PMFBP1: variants seen among roughly 807,000 people sequenced by gnomAD.
PMFBP1 encodes the protein polyamine-modulated factor 1-binding protein 1.
Under a neutral mutation model 137.8 loss-of-function variants are expected in PMFBP1, and 131 were observed. The observed-to-expected ratio is 0.95, with a 90% CI of 0.82 to 1.10. The LOEUF is 1.10. Among genes scored for constraint, PMFBP1 ranks in the 50% least tolerant of loss-of-function variants. PMFBP1 has a pLI of 0.00. For synonymous variants in PMFBP1, 490 were observed against 450.4 expected, an observed-to-expected ratio of 1.09 and a Z score of -1.11; for missense variants, 1,199 against 1,175.4, an observed-to-expected ratio of 1.02 and a Z score of -0.29.
At chr16:72,156,323 G>C (rs765165793) in intron 3 of PMFBP1, among the ~76,000 whole-genome samples, 21 of 147,102 alleles carry the variant, frequency 1.4e-4, no homozygotes, top group South Asian at 2.4e-4. Flanking sequence ...GTTGCGGCAA[G>C]AATCAGTATT....
At chr16:72,200,920 T>C in the PMFBP1 span, among the ~76,000 whole-genome samples, 15 of 152,188 alleles carry the variant, frequency 9.9e-5, no homozygotes, top group African/African-American at 3.6e-4. Context: ...TTGCCTGCTG[T>C]GTATGCTGCT....
chr16:72,200,927 T>G, the PMFBP1 span, among the ~76,000 whole-genome samples: 1 of 152,218 alleles, frequency 6.6e-6, no homozygotes, highest in Non-Finnish European at 1.5e-5. Flanking sequence ...CTGTGTATGC[T>G]GCTGGTGACA....
chr16:72,141,491 C>T (rs2042721569), intron 5 of PMFBP1, among the ~76,000 whole-genome samples: 1 of 152,154 alleles, frequency 6.6e-6, no homozygotes, highest in South Asian at 2.1e-4. Flanking sequence ...TGTGCATATT[C>T]TAGAACTTTA....
intron 5 of PMFBP1, among the ~76,000 whole-genome samples, chr16:72,140,831 T>C (rs1051779135): frequency 6.6e-6 from 1 of 152,138 alleles, no homozygotes; most frequent in African/African-American, 2.4e-5. Flanking sequence ...AGGTGTCCTT[T>C]TTGATGACAA....
chr16:72,230,605 C>T, the PMFBP1 span, among the ~76,000 whole-genome samples: 1 of 152,126 alleles, frequency 6.6e-6, no homozygotes, highest in Non-Finnish European at 1.5e-5. Flanking sequence ...CTGTAACTTC[C>T]CATATCATCA....
chr16:72,186,734 C>A, the PMFBP1 span, among the ~76,000 whole-genome samples: 1 of 152,158 alleles, frequency 6.6e-6, no homozygotes, highest in African/African-American at 2.4e-5. Context: ...GGTGTGAAAT[C>A]TATTTCTTTA....
At chr16:72,238,772 C>T in the PMFBP1 span, among the ~76,000 whole-genome samples, 1 of 152,150 alleles carries the variant, frequency 6.6e-6, no homozygotes, top group Non-Finnish European at 1.5e-5. Context: ...AAATAACAAC[C>T]ATTCACTCTA....
At chr16:72,185,445 G>A in the PMFBP1 span, among the ~76,000 whole-genome samples, 1 of 151,874 alleles carries the variant, frequency 6.6e-6, no homozygotes, top group Admixed American at 6.6e-5. Context: ...CTTGTGCTAC[G>A]GCTATGTGCA....
At chr16:72,177,144 T>C (rs988086277), upstream of PMFBP1, among the ~76,000 whole-genome samples, 54 of 152,238 alleles carry the variant, frequency 3.5e-4, no homozygotes, top group African/African-American at 1.2e-3. Flanking sequence ...GCCATTATCA[T>C]TGACTGACAT....
chr16:72,176,043 G>C (rs1163436119), upstream of PMFBP1, among the ~76,000 whole-genome samples: 1 of 152,174 alleles, frequency 6.6e-6, no homozygotes, highest in African/African-American at 2.4e-5. Context: ...ATAACTGGTA[G>C]GGGGAGATGG....
At chr16:72,173,169 A>G (rs142175100), upstream of PMFBP1, among the ~76,000 whole-genome samples, 84 of 152,352 alleles carry the variant, frequency 5.5e-4, no homozygotes, top group East Asian at 0.015. Context: ...CTAGGAAGCT[A>G]TAATAAATGG....
the PMFBP1 span, among the ~76,000 whole-genome samples, chr16:72,209,950 C>A: frequency 1.3e-5 from 2 of 152,230 alleles, no homozygotes; most frequent in Non-Finnish European, 2.9e-5. Context: ...GGCCGTTCCC[C>A]CAGCTCTCAC....
chr16:72,221,926 C>A, the PMFBP1 span, among the ~76,000 whole-genome samples: 1 of 152,200 alleles, frequency 6.6e-6, no homozygotes, highest in Non-Finnish European at 1.5e-5. Context: ...AGCCTCTTCC[C>A]TGTATCTCTC....
chr16:72,164,979 A>T, intron 2 of PMFBP1, 63 bp from the exon 3 acceptor site: 3 of 1,480,316 alleles, frequency 2.0e-6, no homozygotes, highest in Non-Finnish European at 2.7e-6. Flanking sequence ...GCTTTCATTC[A>T]CTTAACAGGT....
chr16:72,162,308 C>A (rs2043073825), intron 3 of PMFBP1, among the ~76,000 whole-genome samples: 2 of 152,208 alleles, frequency 1.3e-5, no homozygotes, highest in South Asian at 4.1e-4. Context: ...CACCCTATTT[C>A]CTGCTGTGTT....
rs2042635681 is a variant in PMFBP1, at chr16:72,136,608, A to G, written c.1046-3T>C. The G allele has an allele frequency of 2.8e-5, 45 of 1,613,594 alleles. No homozygotes were observed. Among genetic ancestry groups the G allele is most frequent in the Non-Finnish European group, 3.7e-5 (44 of 1,179,888 alleles). On this transcript the variant is annotated splice_polypyrimidine_tract_variant and splice_region_variant and intron_variant, in intron 8 of 20. Transcript: ENST00000237353. ...GTCCAGCTCCAGCTTCATCATGTCTACCATGGGGCGGGACAGAGTCTATGC... is the reference window on the plus strand; with the variant it reads ...GTCCAGCTCCAGCTTCATCATGTCTGCCATGGGGCGGGACAGAGTCTATGC...
chr16:72,164,808 G>A lies in PMFBP1; in HGVS notation c.121C>T (p.Gln41Ter). Residue 41 changes from glutamine (Q) to a stop codon, truncating the protein, a stop_gained, in exon 3 of 21, where the codon CAG (glutamine) becomes TAG (stop). Transcript: ENST00000237353. LOFTEE classifies it high-confidence loss of function. ...TCCTCCATGCAGAGCTGATTGTCCTGCAAGGTCTTCCTCTGTCTCTTGCAG... is the reference window on the plus strand; with the variant it reads ...TCCTCCATGCAGAGCTGATTGTCCTACAAGGTCTTCCTCTGTCTCTTGCAG... ...DVCKRQRKTL[Q>*]DNQLCMEEAM... The A allele has an allele frequency of 1.9e-6, 3 of 1,607,324 alleles. No homozygotes were observed. Among genetic ancestry groups the A allele is most frequent in the Non-Finnish European group, 2.6e-6 (3 of 1,174,438 alleles).
chr16:72,158,105 T>C (rs2043009494), intron 3 of PMFBP1, among the ~76,000 whole-genome samples: 1 of 152,148 alleles, frequency 6.6e-6, no homozygotes, highest in Admixed American at 6.5e-5. Flanking sequence ...ACCAGAAAGA[T>C]GATAGCTGAT....
chr16:72,218,250 CA>C, the PMFBP1 span, among the ~76,000 whole-genome samples: 1 of 152,100 alleles, frequency 6.6e-6, no homozygotes, highest in Middle Eastern at 3.2e-3. Context: ...AATGAATGTC[CA>C]GCAAAAAATC....
Sources: gnomAD v4.1 joint callset for allele counts (sites outside exome capture counted in the v4.1 genomes callset) on GRCh38, gnomAD v4.1.1 for gene constraint, MANE v1.5 for transcripts, NCBI Gene and HGNC (gene_info 2026-07-23, HGNC 2026-07-21) for gene names.